The following SERINC5 variants were observed in gnomAD, a reference collection of about 807,000 sequenced individuals.
SERINC5 encodes the protein serine incorporator 5.
In SERINC5, 41 loss-of-function variants were observed where a neutral mutation model predicts 63.1. That is an observed-to-expected ratio of 0.65 (90% CI 0.51 to 0.84). The LOEUF (loss-of-function observed/expected upper bound fraction) is 0.84. Among genes scored for constraint, SERINC5 ranks in the 40% least tolerant of loss-of-function variants. The pLI is 0.00. For synonymous variants in SERINC5, 222 were observed against 215.2 expected, an observed-to-expected ratio of 1.03 and a Z score of -0.28; for missense variants, 523 against 573.0, an observed-to-expected ratio of 0.91 and a Z score of 0.89.
intron 11 of SERINC5, among the ~76,000 whole-genome samples, chr5:80,115,297 G>A (rs1315594486): frequency 3.3e-5 from 5 of 152,002 alleles, no homozygotes; most frequent in Non-Finnish European, 5.9e-5. Flanking sequence ...TCCAGCCCAA[G>A]CCTTGCTCAA....
intron 5 of SERINC5, among the ~76,000 whole-genome samples, chr5:80,170,129 A>G (rs987228534): frequency 6.6e-6 from 1 of 152,218 alleles, no homozygotes; most frequent in Non-Finnish European, 1.5e-5. Context: ...GTAAAGGAAG[A>G]GTTAATTATG....
chr5:80,253,984 G>A (rs1752536117), intron 1 of SERINC5, among the ~76,000 whole-genome samples: 1 of 152,182 alleles, frequency 6.6e-6, no homozygotes, highest in Non-Finnish European at 1.5e-5. Context: ...AGGCTTGAGT[G>A]CAATGGCGTG....
chr5:80,211,393 AG>A (rs199943346), intron 1 of SERINC5, among the ~76,000 whole-genome samples: 1 of 83,230 alleles, frequency 1.2e-5, no homozygotes, highest in Non-Finnish European at 2.5e-5. Context: ...TGCCTGAATC[AG>A]GTTAAGTTCA....
chr5:80,140,288 C>G lies in SERINC5; in HGVS notation c.*3375G>C, dbSNP rs1284874537. Reference sequence around the variant, plus strand: ...TGTCACTGCACTCCAGCGTGGCTGACAGAGTGAGCCCGTCTCCAAAAAAAA... The same window carrying G: ...TGTCACTGCACTCCAGCGTGGCTGAGAGAGTGAGCCCGTCTCCAAAAAAAA... On this transcript the variant is annotated 3_prime_UTR_variant, in exon 12 of 12. Transcript: ENST00000507668. The G allele has an allele frequency of 1.1e-6, 1 of 920,482 alleles. No individual in the cohort carries two copies. Among genetic ancestry groups the G allele is most frequent in the East Asian group, 1.5e-4 (1 of 6,874 alleles). 57.0% of individuals were successfully genotyped at this position (920,482 alleles called of 1,614,324 possible).
At chr5:80,185,719 G>A (rs1386979509) in intron 2 of SERINC5, among the ~76,000 whole-genome samples, 4 of 152,150 alleles carry the variant, frequency 2.6e-5, no homozygotes, top group African/African-American at 9.7e-5. Context: ...AAGGTGCTCA[G>A]TGGGGGAGCT....
At chr5:80,136,805 C>G (rs1745195190), downstream of SERINC5, among the ~76,000 whole-genome samples, 1 of 152,156 alleles carries the variant, frequency 6.6e-6, no homozygotes, top group Non-Finnish European at 1.5e-5. Context: ...AGGTATTTCT[C>G]AAAAGACATA....
intron 1 of SERINC5, among the ~76,000 whole-genome samples, chr5:80,237,641 G>A (rs1751756098): frequency 1.3e-5 from 2 of 151,920 alleles, no homozygotes; most frequent in African/African-American, 4.8e-5. Context: ...CCAGTTGCCA[G>A]TTCTCTCTAA....
rs1017008662 is a variant in SERINC5, at chr5:80,199,530, G to A, written c.195+3356C>T. 8.9e-4 allele frequency among the ~76,000 whole-genome samples: 136 copies of A among 152,138 alleles called. 1 individual carries two copies. The highest frequency in any genetic ancestry group is 1.9e-3 in the African/African-American group (79 of 41,418). On this transcript the variant is annotated intron_variant, in intron 2 of 11. Coordinates refer to ENST00000507668, the MANE Select transcript of SERINC5 (RefSeq NM_001174072.3). ...ACATCTTCTGTTTCTCAAATGATCC[G>A]TTAACAGTCAGAAAGCATAAATACT...
chr5:80,247,714 C>T (rs1752225395), intron 1 of SERINC5, among the ~76,000 whole-genome samples: 1 of 152,192 alleles, frequency 6.6e-6, no homozygotes, highest in Admixed American at 6.5e-5. Context: ...TGTATCAGCT[C>T]ACCAGTGAGC....
At chr5:80,154,001 G>C (rs764284886) in intron 8 of SERINC5, among the ~76,000 whole-genome samples, 10 of 152,058 alleles carry the variant, frequency 6.6e-5, no homozygotes, top group Admixed American at 1.3e-4. Flanking sequence ...CTTTCCTGGA[G>C]ATCACACATT....
chr5:80,184,113 G>A (rs1243579788), intron 2 of SERINC5, among the ~76,000 whole-genome samples: 1 of 152,078 alleles, frequency 6.6e-6, no homozygotes, highest in Non-Finnish European at 1.5e-5. Flanking sequence ...TGCCAGTAAC[G>A]AGGAGGTAAT....
At chr5:80,212,671 G>T (rs1457031840) in intron 1 of SERINC5, among the ~76,000 whole-genome samples, 1 of 133,538 alleles carries the variant, frequency 7.5e-6, no homozygotes, top group Admixed American at 7.1e-5. Context: ...GGGGTGGGGG[G>T]GGGGTGTTGG....
intron 11 of SERINC5, among the ~76,000 whole-genome samples, chr5:80,132,429 T>A (rs527782734): frequency 1.3e-4 from 20 of 152,306 alleles, no homozygotes; most frequent in African/African-American, 4.8e-4. Context: ...TATTTCTATA[T>A]GAACATGCTG....
chr5:80,150,882 C>T lies in SERINC5; in HGVS notation c.1053G>A (p.Glu351=), dbSNP rs780493426. ...LQGRYAAPEL[E]IARCCFCFSP... ...GGACAGGAAAAGGAAATGAACTTAC[C>T]TCCAATTCAGGAGCTGCGTATCGCC... The change falls in exon 9 of 12, where the codon GAG becomes GAA. Residue 351 remains glutamate, a splice_region_variant and synonymous_variant. Transcript: ENST00000507668. 2 of 1,607,732 alleles carry T rather than the reference C, an allele frequency of 1.2e-6. No homozygotes were observed.
intron 11 of SERINC5, among the ~76,000 whole-genome samples, chr5:80,124,972 A>AG (rs1204392245): frequency 6.6e-6 from 1 of 152,196 alleles, no homozygotes; most frequent in East Asian, 1.9e-4. Context: ...CAAAAAAGGT[A>AG]GGGGGATGGA....
At chr5:80,197,980 C>T (rs1247245990) in intron 2 of SERINC5, among the ~76,000 whole-genome samples, 4 of 152,084 alleles carry the variant, frequency 2.6e-5, no homozygotes, top group Non-Finnish European at 5.9e-5. Context: ...GCTGGGACTA[C>T]AGGTGCACAC....
Position 80,256,038 on chromosome 5 carries a change from A to C in SERINC5, c.-116T>G. ...CGCAGCTCACACTTGAACGAAGATC[A>C]GCCTCGGCGAAGCGCCTAGGCGCCG... On this transcript the variant is annotated 5_prime_UTR_variant, in exon 1 of 12. Transcript: ENST00000507668. The C allele has an allele frequency of 1.7e-6, 2 of 1,145,192 alleles. No individual in the cohort carries two copies. The highest frequency in any genetic ancestry group is 2.3e-6 in the Non-Finnish European group (2 of 859,964). 70.9% of individuals were successfully genotyped at this position (1,145,192 alleles called of 1,614,324 possible). A position where few individuals can be genotyped will look rare whatever the true frequency, so the allele number is the denominator to read the frequency against.
At chr5:80,203,743 G>A (rs1290325332) in intron 1 of SERINC5, among the ~76,000 whole-genome samples, 5 of 152,144 alleles carry the variant, frequency 3.3e-5, no homozygotes, top group African/African-American at 7.2e-5. Context: ...AGGTTAACAG[G>A]AGAGTATTTC....
chr5:80,143,423 G>A lies in SERINC5; in HGVS notation c.*240C>T. 7.9e-7 allele frequency: 1 copy of A among 1,266,694 alleles called. No individual in the cohort carries two copies. The highest frequency in any genetic ancestry group is 9.9e-7 in the Non-Finnish European group (1 of 1,005,220). The allele number at this position is 1,266,694 out of a possible 1,614,324, so 78.5% of individuals were successfully genotyped here. ...ACATAACTGGTATCCAGTTCCTAGG[G>A]GTAAGATATTTCAACCATGATCAGT... On this transcript the variant is annotated 3_prime_UTR_variant, in exon 12 of 12. Transcript: ENST00000507668.
Sources: allele counts gnomAD v4.1 joint callset (sites outside exome capture counted in the v4.1 genomes callset), GRCh38; gene constraint gnomAD v4.1.1; transcripts MANE v1.5; gene names NCBI Gene and HGNC (gene_info 2026-07-23, HGNC 2026-07-21).